Variants in CDYL observed in about 807,000 individuals in gnomAD.
CDYL encodes the protein chromodomain Y like, also known as chromodomain Y-like protein.
CDYL carries 8 observed loss-of-function variants against 47.3 expected under a neutral mutation model. That is an observed-to-expected ratio of 0.17 (90% CI 0.10 to 0.31). CDYL has a LOEUF of 0.31. Ranked by LOEUF, CDYL falls within the 10% of genes least tolerant of loss-of-function variation. The pLI is 1.00. For missense variants in CDYL, 471 were observed against 701.4 expected (o/e 0.67, Z 3.71); for synonymous variants, 266 against 265.0 (o/e 1.00, Z -0.04).
At chr6:4,952,544 C>A in intron 6 of CDYL, 135 bp downstream of exon 6, 1 of 965,960 alleles carries the variant, frequency 1.0e-6, no homozygotes, top group Non-Finnish European at 1.5e-6. Flanking sequence ...TGAAGTCCTG[C>A]CAGAACCTAT....
chr6:4,779,777 A>G (rs1758560790), intron 1 of CDYL, among the ~76,000 whole-genome samples: 1 of 152,136 alleles, frequency 6.6e-6, no homozygotes, highest in African/African-American at 2.4e-5. Flanking sequence ...GATAATACAT[A>G]TTTTAGACTT....
chr6:4,776,275 C>T (rs1758444721), upstream of CDYL, among the ~76,000 whole-genome samples: 1 of 144,686 alleles, frequency 6.9e-6, no homozygotes, highest in Non-Finnish European at 1.5e-5. Context: ...CTGCTCCCCT[C>T]GGCTGCCCCG....
At chr6:4,748,266 T>A (rs975361269) in intron 3 of CDYL, among the ~76,000 whole-genome samples, 12 of 152,156 alleles carry the variant, frequency 7.9e-5, no homozygotes, top group African/African-American at 2.4e-4. Flanking sequence ...CTGAGCACAG[T>A]GGCTCATGCA....
chr6:4,935,507 C>T lies in CDYL; in HGVS notation c.692-8C>T, dbSNP rs1276563754. On this transcript the variant is annotated splice_region_variant and splice_polypyrimidine_tract_variant and intron_variant, in intron 2 of 6. Coordinates refer to ENST00000397588, the MANE Select transcript of CDYL (RefSeq NM_004824.4). ...TCACAGACTACTGTGATTTCAAACT[C>T]TCGGCAGGTACATCTCCGTTCATGG... 3 of 1,613,116 alleles carry T rather than the reference C, an allele frequency of 1.9e-6. No homozygotes were observed. Among genetic ancestry groups the T allele is most frequent in the African/African-American group, 2.7e-5 (2 of 74,902 alleles).
intron 1 of CDYL, among the ~76,000 whole-genome samples, chr6:4,790,404 T>C (rs544043317): frequency 4.7e-4 from 71 of 152,186 alleles, no homozygotes; most frequent in Non-Finnish European, 7.5e-4. Context: ...TTAGATGTTA[T>C]TTTTCTCCAA....
At chr6:4,719,288 G>A (rs533103875) in intron 2 of CDYL, among the ~76,000 whole-genome samples, 2 of 152,298 alleles carry the variant, frequency 1.3e-5, no homozygotes, top group East Asian at 3.9e-4. Context: ...TCTTGTGCAT[G>A]TATCTGGGTG....
chr6:4,789,077 T>TTTG (rs992217439), intron 1 of CDYL, among the ~76,000 whole-genome samples: 8 of 146,830 alleles, frequency 5.4e-5, no homozygotes, highest in Non-Finnish European at 1.2e-4. Flanking sequence ...TTTCGTGTTT[T>TTTG]TTGTTTGTTT....
rs188069557 is a variant in CDYL, at chr6:4,914,317, G to A, written c.692-21198G>A. Among the ~76,000 whole-genome samples the A allele has an allele frequency of 8.6e-5, 13 of 151,436 alleles. No homozygotes were observed. The East Asian group carries it at 9.7e-4, about 11-fold the overall frequency. ...GGGCAGGGCAGGAGAGTACGGCTCC[G>A]TGCTTTTCTCATGGGGGTGGCACGT... On this transcript the variant is annotated intron_variant, in intron 2 of 6. Transcript: ENST00000397588.
At chr6:4,925,206 G>A (rs983764270) in intron 2 of CDYL, among the ~76,000 whole-genome samples, 12 of 152,136 alleles carry the variant, frequency 7.9e-5, no homozygotes, top group Non-Finnish European at 1.5e-4. Flanking sequence ...ATAAATGTGT[G>A]ACATTCGCAG....
chr6:4,812,664 C>T (rs950070849), intron 1 of CDYL, among the ~76,000 whole-genome samples: 1 of 151,924 alleles, frequency 6.6e-6, no homozygotes, highest in African/African-American at 2.4e-5. Context: ...ATTCCACAGT[C>T]TTCTATAGGA....
Position 4,826,429 on chromosome 6 carries a change from A to C in CDYL, c.24+49622A>C, listed in dbSNP as rs552284502. Among the ~76,000 whole-genome samples, 41 of 152,122 alleles carry C rather than the reference A, an allele frequency of 2.7e-4. No individual in the cohort carries two copies. The South Asian group carries it at 8.5e-3, about 32-fold the overall frequency. ...TTGCTCTTCTTTTTCTAGCTCCTTA[A>C]GGTGTAAAGTTAGGCTGCTGACATG... On this transcript the variant is annotated intron_variant, in intron 1 of 6. Transcript: ENST00000397588.
chr6:4,708,507 T>A (rs965585832), intron 1 of CDYL, among the ~76,000 whole-genome samples: 1 of 152,154 alleles, frequency 6.6e-6, no homozygotes, highest in Admixed American at 6.5e-5. Flanking sequence ...TGAATAAACA[T>A]TTCCAAATGC....
intron 2 of CDYL, among the ~76,000 whole-genome samples, chr6:4,900,820 TA>T (rs1757023454): frequency 1.1e-5 from 1 of 94,800 alleles, no homozygotes; most frequent in Non-Finnish European, 2.3e-5. Flanking sequence ...TATATATATA[TA>T]TATATATATC....
chr6:4,927,356 C>T (rs1474104606), intron 2 of CDYL, among the ~76,000 whole-genome samples: 1 of 78,694 alleles, frequency 1.3e-5, no homozygotes, highest in African/African-American at 3.7e-5. Flanking sequence ...GTAGAAAGAA[C>T]GTCTTTTTTT....
intron 1 of CDYL, among the ~76,000 whole-genome samples, chr6:4,806,463 C>G (rs902473446): frequency 1.3e-5 from 2 of 152,194 alleles, no homozygotes; most frequent in Admixed American, 6.5e-5. Flanking sequence ...TTTAGAGTTT[C>G]GCAGCAAAGT....
intron 1 of CDYL, among the ~76,000 whole-genome samples, chr6:4,885,476 G>C (rs1761876537): frequency 6.6e-6 from 1 of 152,148 alleles, no homozygotes; most frequent in South Asian, 2.1e-4. Flanking sequence ...TGCATATAGG[G>C]CTGGGTTTTA....
chr6:4,731,829 A>G (rs1185077719), intron 2 of CDYL, among the ~76,000 whole-genome samples: 2 of 152,082 alleles, frequency 1.3e-5, no homozygotes, highest in African/African-American at 2.4e-5. Context: ...TCAAAAAAAA[A>G]AAAGAAATCA....
At position 4,845,565 on chromosome 6, in the gene CDYL, C is replaced by T. The variant is rs537322730; in HGVS notation, c.25-46148C>T. Among the ~76,000 whole-genome samples, 6 of 152,270 alleles carry T rather than the reference C, an allele frequency of 3.9e-5. No homozygotes were observed. In the South Asian group the frequency reaches 8.3e-4, roughly 21 times the overall value. On this transcript the variant is annotated intron_variant, in intron 1 of 6. Transcript: ENST00000397588. Reference sequence around the variant, plus strand: ...ACCTTTTAAGGCAGGATTCAGCAAACCTTTTCTGTAAGGGGTCAGACAATA... The same window carrying T: ...ACCTTTTAAGGCAGGATTCAGCAAATCTTTTCTGTAAGGGGTCAGACAATA...
chr6:4,945,014 T>C (rs889477594), intron 5 of CDYL, among the ~76,000 whole-genome samples: 3 of 151,940 alleles, frequency 2.0e-5, no homozygotes, highest in Admixed American at 2.0e-4. Flanking sequence ...CCCGCAGTGC[T>C]CCACCAAAGC....
Sources: gnomAD v4.1 joint callset for allele counts (sites outside exome capture counted in the v4.1 genomes callset) on GRCh38, gnomAD v4.1.1 for gene constraint, MANE v1.5 for transcripts, NCBI Gene and HGNC (gene_info 2026-07-23, HGNC 2026-07-21) for gene names.